The following LRMDA variants were observed in gnomAD, a reference collection of about 807,000 sequenced individuals.
LRMDA encodes leucine-rich melanocyte differentiation-associated protein.
Under a neutral mutation model 29.8 loss-of-function variants are expected in LRMDA, and 18 were observed. The ratio of observed to expected loss-of-function variants is 0.60; its 90% CI spans 0.42 to 0.90. The LOEUF (loss-of-function observed/expected upper bound fraction) is 0.90. Ranked by LOEUF, LRMDA falls within the 40% of genes least tolerant of loss-of-function variation. LRMDA has a pLI of 0.00. For missense variants in LRMDA, 273 were observed against 273.9 expected (o/e 1.00, Z 0.02); for synonymous variants, 125 against 109.4 (o/e 1.14, Z -0.89).
intron 2 of LRMDA, among the ~76,000 whole-genome samples, chr10:75,844,987 T>C (rs892580683): frequency 1.3e-5 from 2 of 152,210 alleles, no homozygotes; most frequent in Admixed American, 1.3e-4. Flanking sequence ...ATAGTTTTCT[T>C]ATGGCTGGAT....
intron 6 of LRMDA, among the ~76,000 whole-genome samples, chr10:76,383,034 C>A (rs894262710): frequency 1.3e-5 from 2 of 152,194 alleles, no homozygotes; most frequent in African/African-American, 2.4e-5. Flanking sequence ...CTGCACTAAC[C>A]ATTGTGAAAA....
intron 5 of LRMDA, among the ~76,000 whole-genome samples, chr10:76,240,791 T>TAGATAGAA (rs1564697098): frequency 8.3e-6 from 1 of 120,058 alleles, no homozygotes; most frequent in Non-Finnish European, 1.8e-5. Flanking sequence ...GATAGATAGA[T>TAGATAGAA]AGATAGATAG....
intron 2 of LRMDA, among the ~76,000 whole-genome samples, chr10:75,740,107 G>A (rs879759348): frequency 3.3e-5 from 5 of 152,216 alleles, no homozygotes; most frequent in Admixed American, 6.5e-5. Flanking sequence ...AAACGTTTAT[G>A]TACAGCCATA....
intron 2 of LRMDA, among the ~76,000 whole-genome samples, chr10:75,467,586 G>T (rs905566080): frequency 5.3e-5 from 8 of 152,148 alleles, no homozygotes; most frequent in Non-Finnish European, 1.2e-4. Flanking sequence ...TCCCCAACAA[G>T]TATCTAAAGT....
At chr10:76,115,147 CA>C (rs372752701) in intron 5 of LRMDA, among the ~76,000 whole-genome samples, 27 of 152,314 alleles carry the variant, frequency 1.8e-4, no homozygotes, top group South Asian at 1.7e-3. Context: ...AATTTGGCCA[CA>C]AGTGCCTGTT....
chr10:76,030,604 C>T (rs1848133369), intron 2 of LRMDA, among the ~76,000 whole-genome samples: 1 of 152,168 alleles, frequency 6.6e-6, no homozygotes, highest in Admixed American at 6.5e-5. Context: ...TCCTGGCCAA[C>T]ATGGTGAAAC....
chr10:76,221,498 T>C (rs1216194455), intron 5 of LRMDA, among the ~76,000 whole-genome samples: 3 of 152,220 alleles, frequency 2.0e-5, no homozygotes, highest in Non-Finnish European at 4.4e-5. Context: ...AGCTAAATCG[T>C]GAGTGAACTC....
chr10:76,375,886 T>C (rs1841511014), intron 6 of LRMDA, among the ~76,000 whole-genome samples: 1 of 152,154 alleles, frequency 6.6e-6, no homozygotes, highest in African/African-American at 2.4e-5. Flanking sequence ...TAGAAGTGTG[T>C]TGTAATGGTT....
chr10:76,205,075 A>AGGCCCC (rs1851509479), intron 5 of LRMDA, among the ~76,000 whole-genome samples: 1 of 152,198 alleles, frequency 6.6e-6, no homozygotes, highest in Admixed American at 6.5e-5. Context: ...CAACCGTGGG[A>AGGCCCC]TCCTCTAACT....
chr10:76,517,280 C>T (rs576211477), intron 6 of LRMDA, among the ~76,000 whole-genome samples: 1 of 152,064 alleles, frequency 6.6e-6, no homozygotes, highest in African/African-American at 2.4e-5. Context: ...ACTTAAAAGC[C>T]CCACCTAACC....
chr10:75,706,834 C>T (rs1355795364), intron 2 of LRMDA, among the ~76,000 whole-genome samples: 1 of 151,480 alleles, frequency 6.6e-6, no homozygotes, highest in Non-Finnish European at 1.5e-5. Context: ...TCAGGTCCAC[C>T]CTGCCATGCA....
intron 5 of LRMDA, among the ~76,000 whole-genome samples, chr10:76,194,507 C>T (rs1486023175): frequency 1.3e-5 from 2 of 152,166 alleles, no homozygotes; most frequent in African/African-American, 4.8e-5. Flanking sequence ...CTCACATAGG[C>T]TCACATGTCC....
chr10:75,592,488 C>T (rs1208106374), intron 2 of LRMDA, among the ~76,000 whole-genome samples: 1 of 152,296 alleles, frequency 6.6e-6, no homozygotes, highest in Admixed American at 6.5e-5. Flanking sequence ...AGATCTGGGA[C>T]GGCAAGGCTA....
chr10:75,916,523 A>G (rs1421380856), intron 2 of LRMDA, among the ~76,000 whole-genome samples: 2 of 152,194 alleles, frequency 1.3e-5, no homozygotes, highest in African/African-American at 2.4e-5. Context: ...ACCTGCCATA[A>G]GGCCACAGGG....
chr10:76,456,176 A>G, intron 6 of LRMDA, among the ~76,000 whole-genome samples: 1 of 152,146 alleles, frequency 6.6e-6, no homozygotes. Context: ...GCCAGATTCA[A>G]TTTCAGCATT....
At position 76,188,935 on chromosome 10, in the gene LRMDA, T is replaced by TATAC. The variant is rs543986710; in HGVS notation, c.516+130153_516+130154insTACA. Among the ~76,000 whole-genome samples, 10 of 141,728 alleles carry TATAC rather than the reference T, an allele frequency of 7.1e-5. No homozygotes were observed. The East Asian group carries it at 2.2e-3, about 32-fold the overall frequency. 93.0% of individuals were successfully genotyped at this position (141,728 alleles called of 152,430 possible). ...ATGCCTCTAGGCGAATGATTGCATGTACACACACACACACACACACACACA... is the reference window on the plus strand; with the variant it reads ...ATGCCTCTAGGCGAATGATTGCATGTATACACACACACACACACACACACACACA... On this transcript the variant is annotated intron_variant, in intron 5 of 6. Coordinates refer to ENST00000611255, the MANE Select transcript of LRMDA (RefSeq NM_001305581.2).
At chr10:76,393,007 G>C (rs982797820) in intron 6 of LRMDA, among the ~76,000 whole-genome samples, 5 of 152,116 alleles carry the variant, frequency 3.3e-5, no homozygotes, top group African/African-American at 1.2e-4. Flanking sequence ...TGTTGCAAAT[G>C]ACAAGATGTC....
chr10:75,874,868 C>T (rs1845170128), intron 2 of LRMDA, among the ~76,000 whole-genome samples: 1 of 152,216 alleles, frequency 6.6e-6, no homozygotes, highest in South Asian at 2.1e-4. Context: ...GAAAGAAGCA[C>T]AACAACTTAA....
intron 6 of LRMDA, among the ~76,000 whole-genome samples, chr10:76,420,168 A>G (rs897364682): frequency 2.0e-5 from 3 of 152,018 alleles, no homozygotes; most frequent in Non-Finnish European, 4.4e-5. Flanking sequence ...GGAAAAATTC[A>G]TGGCTAAACT....
Sources: gnomAD v4.1 joint callset for allele counts (sites outside exome capture counted in the v4.1 genomes callset) on GRCh38, gnomAD v4.1.1 for gene constraint, MANE v1.5 for transcripts, NCBI Gene and HGNC (gene_info 2026-07-23, HGNC 2026-07-21) for gene names.